The following BCAR3 variants were observed in gnomAD, a reference collection of about 807,000 sequenced individuals.
The protein encoded by BCAR3 is BCAR3 adaptor protein, NSP family member.
Under a neutral mutation model 80.1 loss-of-function variants are expected in BCAR3, and 37 were observed. The observed-to-expected ratio is 0.46, with a 90% CI of 0.36 to 0.61. BCAR3 has a LOEUF of 0.61. Ranked by LOEUF, BCAR3 falls within the 20% of genes least tolerant of loss-of-function variation. BCAR3 has a pLI of 0.00. For synonymous variants in BCAR3, 389 were observed against 418.9 expected (o/e 0.93, Z 0.87); for missense variants, 978 against 1,068.2 (o/e 0.92, Z 1.18).
At chr1:93,614,987 C>T (rs868205700) in intron 3 of BCAR3, among the ~76,000 whole-genome samples, 4 of 149,668 alleles carry the variant, frequency 2.7e-5, no homozygotes, top group African/African-American at 2.5e-5. Context: ...CCAGTTATAG[C>T]GGATGCTCAA....
intron 9 of BCAR3, among the ~76,000 whole-genome samples, chr1:93,568,807 C>T (rs145388140): frequency 1.3e-5 from 2 of 152,144 alleles, no homozygotes; most frequent in South Asian, 2.1e-4. Context: ...TAGTTTAACT[C>T]GTCTCTTAAA....
rs1310027775 is a variant in BCAR3, at chr1:93,562,634, G to A, written c.2300-215C>T. Among the ~76,000 whole-genome samples, 6 of 151,946 alleles carry A rather than the reference G, an allele frequency of 3.9e-5. No homozygotes were observed. The East Asian group carries it at 1.2e-3, about 29-fold the overall frequency. ...AAAATACAAAAAATTAGCCAGGCGT[G>A]GTGGCGAGCGCCTGTAGTCCCAGCT... On this transcript the variant is annotated intron_variant, in intron 11 of 11. Coordinates refer to ENST00000260502, the MANE Select transcript of BCAR3 (RefSeq NM_003567.4).
intron 2 of BCAR3, among the ~76,000 whole-genome samples, chr1:93,809,336 C>CA (rs1252783519): frequency 4.1e-5 from 5 of 121,404 alleles, no homozygotes; most frequent in East Asian, 2.5e-4. Context: ...AGGTAACCAC[C>CA]AAAAAAACTC....
At chr1:93,657,281 T>A (rs1457029731) in intron 2 of BCAR3, among the ~76,000 whole-genome samples, 1 of 152,106 alleles carries the variant, frequency 6.6e-6, no homozygotes, top group Non-Finnish European at 1.5e-5. Flanking sequence ...AATAATCCTA[T>A]AAACATTTAA....
intron 2 of BCAR3, among the ~76,000 whole-genome samples, chr1:93,725,060 T>C (rs1164030438): frequency 6.6e-6 from 1 of 152,198 alleles, no homozygotes; most frequent in East Asian, 1.9e-4. Context: ...CTGCTCTGCT[T>C]TGTCTTTCGT....
chr1:93,582,380 A>G lies in BCAR3; in HGVS notation c.1607T>C (p.Met536Thr), dbSNP rs200616305. The stretch of plus-strand genomic sequence containing the variant: ...GAACAGTTCTTTTGCACGTTTCAAC[A>G]TTGCTGTTTCCAGGGGCTTATTCTC... ...PPENKPLETAMLKRAKELFTN... is the reference protein window; with the variant it reads ...PPENKPLETATLKRAKELFTN... Residue 536 changes from methionine (M) to threonine (T), a missense_variant, in exon 7 of 12, where the codon ATG (methionine) becomes ACG (threonine). Physicochemically the swap from Met to Thr is moderately conservative, Grantham distance 81. Coordinates refer to ENST00000260502, the MANE Select transcript of BCAR3 (RefSeq NM_003567.4). 3 of 1,614,154 alleles carry G rather than the reference A, an allele frequency of 1.9e-6. No individual in the cohort carries two copies. Among genetic ancestry groups the G allele is most frequent in the East Asian group, 2.2e-5 (1 of 44,876 alleles).
chr1:93,671,374 G>A (rs1648195974), intron 2 of BCAR3, among the ~76,000 whole-genome samples: 1 of 152,144 alleles, frequency 6.6e-6, no homozygotes, highest in African/African-American at 2.4e-5. Flanking sequence ...TACTTCACAA[G>A]ACAAAGAGGT....
At chr1:93,811,763 C>T (rs1653853476) in intron 2 of BCAR3, among the ~76,000 whole-genome samples, 1 of 152,214 alleles carries the variant, frequency 6.6e-6, no homozygotes. Flanking sequence ...GCAGTGGCTC[C>T]AACCATTTCC....
At chr1:93,655,110 T>G (rs1257905416) in intron 2 of BCAR3, among the ~76,000 whole-genome samples, 2 of 152,018 alleles carry the variant, frequency 1.3e-5, no homozygotes, top group African/African-American at 2.4e-5. Flanking sequence ...GCAGGAACAG[T>G]AAGGGGCTGG....
At chr1:93,737,245 G>A (rs939034815) in intron 2 of BCAR3, among the ~76,000 whole-genome samples, 14 of 152,198 alleles carry the variant, frequency 9.2e-5, no homozygotes, top group Middle Eastern at 3.2e-3. Context: ...GGGTTGAATG[G>A]TGTCCCCCAA....
intron 2 of BCAR3, among the ~76,000 whole-genome samples, chr1:93,749,682 T>C (rs1651484291): frequency 6.6e-6 from 1 of 151,976 alleles, no homozygotes; most frequent in Admixed American, 6.6e-5. Flanking sequence ...GCGCCTTTAC[T>C]AGGAAATTCC....
At chr1:93,831,357 C>A (rs1427825716) in intron 2 of BCAR3, among the ~76,000 whole-genome samples, 1 of 152,206 alleles carries the variant, frequency 6.6e-6, no homozygotes, top group African/African-American at 2.4e-5. Flanking sequence ...ACCTCTTCAA[C>A]TCACACCTGA....
Position 93,589,299 on chromosome 1 carries a change from G to A in BCAR3, c.607C>T (p.Arg203Trp), listed in dbSNP as rs751903716. 28 of 1,614,086 alleles carry A rather than the reference G, an allele frequency of 1.7e-5. No individual in the cohort carries two copies. The highest frequency in any genetic ancestry group is 4.0e-5 in the African/African-American group (3 of 74,932). The change falls in exon 5 of 12, where the codon CGG (arginine) becomes TGG (tryptophan). Residue 203 changes from arginine to tryptophan, a missense_variant. Physicochemically the swap from Arg to Trp is moderately radical, Grantham distance 101. Coordinates refer to ENST00000260502, the MANE Select transcript of BCAR3 (RefSeq NM_003567.4). ...GCCTCGCTGAGTCGCAGAACTGTCC[G>A]GTTGATTTTGAAGTGCTGAGCGAGG... ...KNLAQHFKIN[R>W]TVLRLSEAYS...
intron 2 of BCAR3, among the ~76,000 whole-genome samples, chr1:93,750,167 AAC>A (rs1389267719): frequency 2.6e-5 from 4 of 152,204 alleles, no homozygotes; most frequent in Non-Finnish European, 5.9e-5. Context: ...TCAAAGAGCA[AAC>A]AGAGTTCTGA....
In BCAR3 at chr1:93,632,785, G is replaced by A. The variant is rs1439391399; in HGVS notation, c.357+9519C>T. On this transcript the variant is annotated intron_variant, in intron 3 of 11. Coordinates refer to ENST00000260502, the MANE Select transcript of BCAR3 (RefSeq NM_003567.4). ...AGCCATTTTAGCACTTCAGGAGGCCGAGGCAGTGGATCACCTGAGGTCAGG... is the reference window on the plus strand; with the variant it reads ...AGCCATTTTAGCACTTCAGGAGGCCAAGGCAGTGGATCACCTGAGGTCAGG... 4.6e-5 allele frequency among the ~76,000 whole-genome samples: 7 copies of A among 152,210 alleles called. No individual in the cohort carries two copies. The Middle Eastern group carries it at 0.017, about 370-fold the overall frequency.
chr1:93,755,111 T>C (rs544470611), intron 2 of BCAR3, among the ~76,000 whole-genome samples: 32 of 152,216 alleles, frequency 2.1e-4, no homozygotes, highest in Admixed American at 1.8e-3. Context: ...ATTTTAAAAA[T>C]AGAAAAAAGC....
intron 2 of BCAR3, among the ~76,000 whole-genome samples, chr1:93,647,230 G>C (rs996996697): frequency 6.6e-6 from 1 of 152,150 alleles, no homozygotes; most frequent in African/African-American, 2.4e-5. Flanking sequence ...AATGATTCTT[G>C]TGTGGTGAAT....
At chr1:93,636,397 G>A (rs950037046) in intron 3 of BCAR3, among the ~76,000 whole-genome samples, 12 of 152,156 alleles carry the variant, frequency 7.9e-5, no homozygotes, top group Non-Finnish European at 1.0e-4. Flanking sequence ...GAGGACATGC[G>A]TTCACTAGGA....
At chr1:93,833,028 G>C (rs952101367) in intron 2 of BCAR3, among the ~76,000 whole-genome samples, 1 of 151,996 alleles carries the variant, frequency 6.6e-6, no homozygotes, top group Non-Finnish European at 1.5e-5. Flanking sequence ...TCACCCTACT[G>C]GGGGAACTAG....
Sources: allele counts gnomAD v4.1 joint callset (sites outside exome capture counted in the v4.1 genomes callset), GRCh38; gene constraint gnomAD v4.1.1; transcripts MANE v1.5; gene names NCBI Gene and HGNC (gene_info 2026-07-23, HGNC 2026-07-21).